The following NIPSNAP2 variants were observed in gnomAD, a reference collection of about 807,000 sequenced individuals.
NIPSNAP2 encodes the protein protein NipSnap homolog 2.
A neutral mutation model predicts 48.4 loss-of-function variants in NIPSNAP2; 42 were observed. That is an observed-to-expected ratio of 0.87 (90% CI 0.68 to 1.12). The LOEUF is 1.12. Among genes scored for constraint, NIPSNAP2 ranks in the 50% most tolerant of loss-of-function variants. NIPSNAP2 has a pLI of 0.00. For missense variants in NIPSNAP2, 314 were observed against 347.3 expected, an observed-to-expected ratio of 0.90 and a Z score of 0.76; for synonymous variants, 158 against 126.6, an observed-to-expected ratio of 1.25 and a Z score of -1.67.
intron 1 of NIPSNAP2, among the ~76,000 whole-genome samples, chr7:55,966,563 G>A (rs1167794540): frequency 6.6e-6 from 1 of 152,096 alleles, no homozygotes; most frequent in Non-Finnish European, 1.5e-5. Flanking sequence ...TGGGCTGATC[G>A]CTTGAGCTCA....
intron 3 of NIPSNAP2, chr7:55,979,649 C>T (rs1787172422): frequency 5.0e-6 from 2 of 398,160 alleles, no homozygotes; most frequent in Non-Finnish European, 1.0e-5. Context: ...CAAGCTATAC[C>T]TGTGTCTCCT....
At chr7:55,969,633 C>CT (rs1177248526) in intron 1 of NIPSNAP2, among the ~76,000 whole-genome samples, 1 of 152,154 alleles carries the variant, frequency 6.6e-6, no homozygotes. Context: ...AAGTCAGGGC[C>CT]AGGTTCATCT....
At chr7:55,985,387 A>G (rs1281710359) in intron 7 of NIPSNAP2, among the ~76,000 whole-genome samples, 1 of 152,138 alleles carries the variant, frequency 6.6e-6, no homozygotes, top group Non-Finnish European at 1.5e-5. Context: ...TTTTTCCACA[A>G]GTTGATATGT....
intron 6 of NIPSNAP2, among the ~76,000 whole-genome samples, chr7:55,984,403 C>T (rs983297754): frequency 1.3e-5 from 2 of 151,866 alleles, no homozygotes; most frequent in African/African-American, 4.8e-5. Context: ...ATAGTGAGAC[C>T]CTGTCTCTAT....
At position 55,999,975 on chromosome 7, in the gene NIPSNAP2, G is replaced by A. The variant is rs1190673427; in HGVS notation, c.*903G>A. The stretch of plus-strand genomic sequence containing the variant: ...AAAGCTGCATACTTTTTGTCTAGCT[G>A]TTTGATTTCATTTTTTAATATAGTA... On this transcript the variant is annotated 3_prime_UTR_variant, in exon 10 of 10. Coordinates refer to ENST00000322090, the MANE Select transcript of NIPSNAP2 (RefSeq NM_001483.3). The A allele has an allele frequency of 6.6e-6, 1 of 152,570 alleles. No homozygotes were observed. The highest frequency in any genetic ancestry group is 1.5e-5 in the Non-Finnish European group (1 of 68,018). 9.5% of individuals were successfully genotyped at this position (152,570 alleles called of 1,614,324 possible). A position where few individuals can be genotyped will look rare whatever the true frequency, so the allele number is the denominator to read the frequency against.
At chr7:55,973,193 C>A (rs1341949736) in intron 1 of NIPSNAP2, among the ~76,000 whole-genome samples, 1 of 151,976 alleles carries the variant, frequency 6.6e-6, no homozygotes, top group Non-Finnish European at 1.5e-5. Flanking sequence ...CCCTTTAAAC[C>A]ATTTTCTCAG....
chr7:55,991,410 G>A (rs181594985), intron 7 of NIPSNAP2, among the ~76,000 whole-genome samples: 3 of 152,022 alleles, frequency 2.0e-5, no homozygotes, highest in East Asian at 1.9e-4. Context: ...AGACTCGCTC[G>A]CCGTGGAATC....
At position 55,994,898 on chromosome 7, in the gene NIPSNAP2, C is replaced by T. The variant is rs780872972; in HGVS notation, c.622C>T (p.Arg208Cys). ...AACATCATCTCATTCTTACAGGGCTCGTGCAATCCGCTTCAGACAGGATGG... is the reference window on the plus strand; with the variant it reads ...AACATCATCTCATTCTTACAGGGCTTGTGCAATCCGCTTCAGACAGGATGG... ...TMIEWGNYWA[R>C]AIRFRQDGNE... Residue 208 changes from arginine (R) to cysteine (C), a missense_variant, in exon 8 of 10, where the codon CGT becomes TGT. Physicochemically the swap from Arg to Cys is radical, Grantham distance 180. Around this residue, in one of 2 missense-constraint regions of NIPSNAP2, gnomAD observed 116 missense variants for 161.8 expected, o/e 0.72. Coordinates refer to ENST00000322090, the MANE Select transcript of NIPSNAP2 (RefSeq NM_001483.3). 15 of 1,613,934 alleles carry T rather than the reference C, an allele frequency of 9.3e-6. No individual in the cohort carries two copies. The highest frequency in any genetic ancestry group is 3.3e-5 in the Admixed American group (2 of 60,014).
intron 7 of NIPSNAP2, among the ~76,000 whole-genome samples, chr7:55,989,280 C>A (rs1348369694): frequency 1.3e-5 from 2 of 152,128 alleles, no homozygotes; most frequent in East Asian, 3.9e-4. Flanking sequence ...TGATTTAATA[C>A]CGTTTTTAGA....
intron 3 of NIPSNAP2, chr7:55,980,447 T>C (rs2116348904): frequency 6.6e-6 from 1 of 152,476 alleles, no homozygotes; most frequent in African/African-American, 2.4e-5. Context: ...TGGTGATCAC[T>C]AGCTAAATAT....
In NIPSNAP2 at chr7:55,984,421, AAAAGT is replaced by A. The variant is rs563941911; in HGVS notation, c.586-420_586-416del. ...GTGAGACCCTGTCTCTATTAAATTA[AAAAGT>A]AAAGTTTTGGCTGGGTGTGGTGGCT... On this transcript the variant is annotated intron_variant, in intron 6 of 9. Coordinates refer to ENST00000322090, the MANE Select transcript of NIPSNAP2 (RefSeq NM_001483.3). Among the ~76,000 whole-genome samples the A allele has an allele frequency of 8.7e-3, 1,327 of 152,248 alleles. 21 individuals are homozygous for A. Among genetic ancestry groups the A allele is most frequent in the African/African-American group, 0.03 (1,266 of 41,548 alleles).
chr7:55,973,109 GA>G (rs999902903), intron 1 of NIPSNAP2, among the ~76,000 whole-genome samples: 17 of 135,828 alleles, frequency 1.3e-4, no homozygotes, highest in African/African-American at 2.3e-4. Flanking sequence ...CTGTCTCAAA[GA>G]AAAAAAAAAT....
chr7:55,979,791 A>G, intron 3 of NIPSNAP2: 1 of 456,164 alleles, frequency 2.2e-6, no homozygotes, highest in Non-Finnish European at 4.4e-6. Flanking sequence ...TAAAGACTTA[A>G]CTCCTGCCTG....
chr7:55,981,436 GGTT>G (rs756422981), intron 3 of NIPSNAP2, 34 bp from the exon 4 acceptor site: 17 of 1,527,282 alleles, frequency 1.1e-5, no homozygotes, highest in Non-Finnish European at 1.5e-5. Flanking sequence ...AAATTTTGCT[GGTT>G]GTTTAATTAG....
rs149253987 is a variant in NIPSNAP2, at chr7:55,991,110, G to A, written c.618-3784G>A. Among the ~76,000 whole-genome samples the A allele has an allele frequency of 8.8e-3, 1,329 of 151,872 alleles. 21 individuals are homozygous for A. Among genetic ancestry groups the A allele is most frequent in the African/African-American group, 0.031 (1,267 of 41,450 alleles). ...TCGGCCCCAGTTTTTCTCTTTTTTC[G>A]GTTATGAAATTTCCTGCTGTGCATG... On this transcript the variant is annotated intron_variant, in intron 7 of 9. Coordinates refer to ENST00000322090, the MANE Select transcript of NIPSNAP2 (RefSeq NM_001483.3).
Position 55,985,222 on chromosome 7 carries a change from C to CT in NIPSNAP2, c.617+352dup, listed in dbSNP as rs550021193. 2.6e-3 allele frequency among the ~76,000 whole-genome samples: 389 copies of CT among 151,948 alleles called. 2 individuals carry two copies. The highest frequency in any genetic ancestry group is 0.014 in the Middle Eastern group (4 of 294). On this transcript the variant is annotated intron_variant, in intron 7 of 9. Coordinates refer to ENST00000322090, the MANE Select transcript of NIPSNAP2 (RefSeq NM_001483.3). ...ATATATATTTCTAAAAGATAAGCAC[C>CT]TTTTTTTTAAAAGCAAAACCAATAT...
intron 7 of NIPSNAP2, among the ~76,000 whole-genome samples, chr7:55,993,817 A>T (rs1584351885): frequency 6.6e-6 from 1 of 152,138 alleles, no homozygotes; most frequent in African/African-American, 2.4e-5. Context: ...TTAACTGATC[A>T]TAGTGTGATG....
intron 7 of NIPSNAP2, among the ~76,000 whole-genome samples, chr7:55,994,133 C>T (rs1047278888): frequency 3.3e-5 from 5 of 152,086 alleles, no homozygotes; most frequent in African/African-American, 1.2e-4. Flanking sequence ...AACGCCCTGC[C>T]CCAGGGGTGG....
intron 1 of NIPSNAP2, among the ~76,000 whole-genome samples, chr7:55,976,799 G>T (rs1275441529): frequency 1.3e-5 from 2 of 152,058 alleles, no homozygotes; most frequent in Non-Finnish European, 2.9e-5. Flanking sequence ...GAGGTGGGAC[G>T]ATCACTTGAG....
Sources: allele counts gnomAD v4.1 joint callset (sites outside exome capture counted in the v4.1 genomes callset), GRCh38; gene constraint gnomAD v4.1.1; regional missense constraint gnomAD v4.1.1; transcripts MANE v1.5; gene names NCBI Gene and HGNC (gene_info 2026-07-23, HGNC 2026-07-21).